The following SEMA4B variants were observed in gnomAD, a reference collection of about 807,000 sequenced individuals.
The protein encoded by SEMA4B is semaphorin 4B, also known as semaphorin-4B.
A neutral mutation model predicts 88.1 loss-of-function variants in SEMA4B; 55 were observed. The observed-to-expected ratio is 0.62, with a 90% confidence interval of 0.50 to 0.78. The LOEUF (loss-of-function observed/expected upper bound fraction) is 0.78. Among genes scored for constraint, SEMA4B ranks in the 30% least tolerant of loss-of-function variants. SEMA4B has a pLI of 0.00. For synonymous variants in SEMA4B, 525 were observed against 473.6 expected (o/e 1.11, Z -1.41); for missense variants, 1,062 against 1,111.9 (o/e 0.96, Z 0.64).
rs1464727165 is a variant in SEMA4B, at chr15:90,221,437, C to T, written c.666C>T (p.Ser222=). 2 of 1,587,784 alleles carry T rather than the reference C, an allele frequency of 1.3e-6. No individual in the cohort carries two copies. Among genetic ancestry groups the T allele is most frequent in the Non-Finnish European group, 1.7e-6 (2 of 1,167,786 alleles). ...ACCCGGCCATCTCGCGGAGCCAAAG[C>T]CTTCGCCCCACCAAGACCGAGAGCT... The part of the protein sequence containing the change: ...GNDPAISRSQ[S]LRPTKTESSL... The change falls in exon 6 of 14, where the codon AGC becomes AGT. Residue 222 remains serine, a synonymous_variant. Coordinates refer to ENST00000411539, the MANE Select transcript of SEMA4B (RefSeq NM_198925.4).
chr15:90,225,848 C>T (rs1567062802), intron 12 of SEMA4B, 21 bp downstream of exon 12: 1 of 1,496,474 alleles, frequency 6.7e-7, no homozygotes, highest in Admixed American at 2.1e-5. Context: ...CCAAAGGCCC[C>T]TTCCCATCTG....
intron 13 of SEMA4B, 102 bp downstream of exon 13, chr15:90,227,744 G>A (rs1034955488): frequency 2.0e-6 from 3 of 1,464,246 alleles, no homozygotes; most frequent in South Asian, 1.2e-5. Flanking sequence ...TCACTTCCTT[G>A]CCCCCTACCC....
chr15:90,220,853 G>A (rs892325405), intron 4 of SEMA4B, 129 bp from the exon 5 acceptor site: 12 of 653,772 alleles, frequency 1.8e-5, no homozygotes, highest in Non-Finnish European at 2.8e-5. Context: ...CCTGACACCT[G>A]ACCCCTTCTG....
chr15:90,185,438 A>G (rs1960136003), intron 1 of SEMA4B, among the ~76,000 whole-genome samples: 1 of 152,254 alleles, frequency 6.6e-6, no homozygotes, highest in African/African-American at 2.4e-5. Context: ...GGTCGTGGAT[A>G]TGACCTCCGA....
intron 9 of SEMA4B, 85 bp from the exon 10 acceptor site, chr15:90,224,883 C>T (rs1223511879): frequency 1.7e-6 from 2 of 1,143,986 alleles, no homozygotes; most frequent in Non-Finnish European, 2.6e-6. Context: ...ACAGACACCG[C>T]TACTGTCCAC....
chr15:90,208,737 T>G (rs1429106963), intron 1 of SEMA4B, among the ~76,000 whole-genome samples: 1 of 142,712 alleles, frequency 7.0e-6, no homozygotes, highest in Non-Finnish European at 1.5e-5. Flanking sequence ...CATACTTAAT[T>G]CTTTTTTTCT....
chr15:90,222,595 T>C (rs1307857665), intron 7 of SEMA4B, among the ~76,000 whole-genome samples: 1 of 151,046 alleles, frequency 6.6e-6, no homozygotes, highest in Non-Finnish European at 1.5e-5. Flanking sequence ...AATAGAAAAC[T>C]GTACACACAA....
intron 1 of SEMA4B, chr15:90,217,206 G>T: frequency 2.3e-6 from 1 of 441,880 alleles, no homozygotes; most frequent in Non-Finnish European, 4.0e-6. Flanking sequence ...TGTGAAGGGT[G>T]CCGTAGTAAG....
rs1409998046 is a variant in SEMA4B, at chr15:90,221,094, G to A, written c.595+1G>A. On this transcript the variant is annotated splice_donor_variant, in intron 5 of 13. Coordinates refer to ENST00000411539, the MANE Select transcript of SEMA4B (RefSeq NM_198925.4). LOFTEE classifies it high-confidence loss of function. ...TTCAAGTCCACTGCCCTGGTGGTTGGTGAGTGTTGAGGGCAGGATGGCTTC... is the reference window on the plus strand; with the variant it reads ...TTCAAGTCCACTGCCCTGGTGGTTGATGAGTGTTGAGGGCAGGATGGCTTC... The A allele has an allele frequency of 6.3e-7, 1 of 1,598,350 alleles. No homozygotes were observed. The highest frequency in any genetic ancestry group is 8.5e-7 in the Non-Finnish European group (1 of 1,171,488).
chr15:90,228,797 G>T lies in SEMA4B; in HGVS notation c.*154G>T. The T allele has an allele frequency of 9.9e-7, 1 of 1,011,312 alleles. No homozygotes were observed. The highest frequency in any genetic ancestry group is 1.4e-6 in the Non-Finnish European group (1 of 708,840). The allele number at this position is 1,011,312 out of a possible 1,614,324, so 62.6% of individuals were successfully genotyped here. On this transcript the variant is annotated 3_prime_UTR_variant, in exon 14 of 14. Coordinates refer to ENST00000411539, the MANE Select transcript of SEMA4B (RefSeq NM_198925.4). The stretch of plus-strand genomic sequence containing the variant: ...GGGCCAGCTGGCCTGCTGCTCTCCA[G>T]TCAAGTAGCGAAGCTCCTACCACCC...
At chr15:90,195,100 A>G (rs576659343) in intron 1 of SEMA4B, among the ~76,000 whole-genome samples, 1 of 142,790 alleles carries the variant, frequency 7.0e-6, no homozygotes, top group African/African-American at 2.6e-5. Flanking sequence ...GTTGCTATTG[A>G]TTTTGTTTGT....
chr15:90,225,546 C>T (rs1257658920), intron 11 of SEMA4B, 115 bp from the exon 12 acceptor site: 8 of 1,335,648 alleles, frequency 6.0e-6, no homozygotes, highest in Admixed American at 2.1e-5. Flanking sequence ...GTGGGGTCGC[C>T]TGTTACGTAA....
chr15:90,199,441 T>A (rs1366551771), upstream of SEMA4B, among the ~76,000 whole-genome samples: 1 of 152,170 alleles, frequency 6.6e-6, no homozygotes, highest in Non-Finnish European at 1.5e-5. Context: ...GGGAAGGCTG[T>A]AGGTGGAGCA....
Position 90,228,032 on chromosome 15 carries a change from T to A in SEMA4B, c.1903T>A (p.Cys635Ser). 6.2e-7 allele frequency: 1 copy of A among 1,613,882 alleles called. No individual in the cohort carries two copies. The highest frequency in any genetic ancestry group is 1.1e-5 in the South Asian group (1 of 91,082). Residue 635 changes from cysteine to serine, a missense_variant, in exon 14 of 14, where the codon TGC becomes AGC. Coordinates refer to ENST00000411539, the MANE Select transcript of SEMA4B (RefSeq NM_198925.4). ...NGAPVNASAS[C>S]HVLPTGDLLL... The stretch of plus-strand genomic sequence containing the variant: ...GGCCCCCGTCAATGCCTCGGCCTCC[T>A]GCCACGTGCTACCCACTGGGGACCT...
At chr15:90,226,815 G>A (rs1202585800) in intron 12 of SEMA4B, among the ~76,000 whole-genome samples, 1 of 152,194 alleles carries the variant, frequency 6.6e-6, no homozygotes, top group East Asian at 1.9e-4. Flanking sequence ...TAGATGCTGT[G>A]ATTTTTGTAG....
chr15:90,190,765 G>T (rs1425982371), intron 1 of SEMA4B, among the ~76,000 whole-genome samples: 1 of 152,044 alleles, frequency 6.6e-6, no homozygotes, highest in Non-Finnish European at 1.5e-5. Context: ...GTCTGTGTCA[G>T]TGTCTTGCTC....
rs1332663377 is a variant in SEMA4B, at chr15:90,221,854, C to G, written c.861+89C>G. 5 of 1,281,286 alleles carry G rather than the reference C, an allele frequency of 3.9e-6. No individual in the cohort carries two copies. In the African/African-American group the frequency reaches 1.2e-4, roughly 30 times the overall value. The allele number at this position is 1,281,286 out of a possible 1,614,324, so 79.4% of individuals were successfully genotyped here. A position where few individuals can be genotyped will look rare whatever the true frequency, so the allele number is the denominator to read the frequency against. On this transcript the variant is annotated intron_variant, in intron 7 of 13. Transcript: ENST00000411539. ...TCACCCACATCCATGCATGGCCTTTCCCATCCCGCCAAGGAGTACAGCTTG... is the reference window on the plus strand; with the variant it reads ...TCACCCACATCCATGCATGGCCTTTGCCATCCCGCCAAGGAGTACAGCTTG...
chr15:90,196,131 T>C (rs1218451121), intron 1 of SEMA4B, among the ~76,000 whole-genome samples: 2 of 147,994 alleles, frequency 1.4e-5, no homozygotes, highest in Admixed American at 1.3e-4. Flanking sequence ...GGTTTCACCG[T>C]GTTAGCCAGG....
intron 7 of SEMA4B, 143 bp downstream of exon 7, chr15:90,221,908 A>C (rs1019582207): frequency 1.0e-5 from 7 of 678,258 alleles, no homozygotes; most frequent in Non-Finnish European, 1.6e-5. Context: ...TCACCTTTTA[A>C]ATTAAAATAT....
Sources: allele counts gnomAD v4.1 joint callset (sites outside exome capture counted in the v4.1 genomes callset), GRCh38; gene constraint gnomAD v4.1.1; transcripts MANE v1.5; gene names NCBI Gene and HGNC (gene_info 2026-07-23, HGNC 2026-07-21).